The following PMS2 variants were observed in gnomAD, a reference collection of about 807,000 sequenced individuals.
PMS2 encodes the protein mismatch repair endonuclease PMS2.
Under a neutral mutation model 90.0 loss-of-function variants are expected in PMS2, and 69 were observed. The ratio of observed to expected loss-of-function variants is 0.77; its 90% CI spans 0.63 to 0.94. The LOEUF is 0.94. Among genes scored for constraint, PMS2 ranks in the 40% least tolerant of loss-of-function variants. PMS2 has a pLI of 0.00. For missense variants in PMS2, 966 were observed against 1,040.2 expected, an observed-to-expected ratio of 0.93 and a Z score of 0.98; for synonymous variants, 332 against 375.1, an observed-to-expected ratio of 0.89 and a Z score of 1.33.
At chr7:5,994,737 C>T (rs1452938284) in intron 8 of PMS2, among the ~76,000 whole-genome samples, 1 of 151,472 alleles carries the variant, frequency 6.6e-6, no homozygotes, top group African/African-American at 2.4e-5. Context: ...GACCACGCCA[C>T]TGCACTCCAG....
intron 6 of PMS2, among the ~76,000 whole-genome samples, chr7:5,998,285 T>G (rs1287143012): frequency 2.0e-5 from 3 of 150,950 alleles, no homozygotes; most frequent in Non-Finnish European, 3.0e-5. Context: ...TTTCACCATA[T>G]TGATCAGGCT....
intron 14 of PMS2, among the ~76,000 whole-genome samples, chr7:5,977,354 C>A (rs553791220): frequency 4.9e-4 from 72 of 147,554 alleles, no homozygotes; most frequent in African/African-American, 1.6e-3. Context: ...CATGCCCGGC[C>A]AAGAATACTG....
chr7:5,992,206 G>A, intron 8 of PMS2, 149 bp from the exon 9 acceptor site: 2 of 619,526 alleles, frequency 3.2e-6, no homozygotes, highest in Non-Finnish European at 5.8e-6. Context: ...GTCTCGCCTT[G>A]TCACAGCCTG....
At chr7:5,981,219 T>C (rs1349645920) in intron 12 of PMS2, among the ~76,000 whole-genome samples, 1 of 151,242 alleles carries the variant, frequency 6.6e-6, no homozygotes, top group African/African-American at 2.5e-5. Flanking sequence ...TAAAATAATT[T>C]TTAAATTTTA....
chr7:5,993,771 G>A (rs1784044721), intron 8 of PMS2, among the ~76,000 whole-genome samples: 1 of 142,516 alleles, frequency 7.0e-6, no homozygotes, highest in Non-Finnish European at 1.5e-5. Flanking sequence ...TGGGGCAGGA[G>A]AATGGCGTGA....
intron 8 of PMS2, among the ~76,000 whole-genome samples, chr7:5,994,317 G>T (rs981264201): frequency 2.6e-5 from 4 of 151,164 alleles, no homozygotes; most frequent in East Asian, 2.0e-4. Flanking sequence ...GGAGGTGGAG[G>T]TTGCAGTGAG....
At chr7:5,992,193 A>G in intron 8 of PMS2, 136 bp from the exon 9 acceptor site, 1 of 635,790 alleles carries the variant, frequency 1.6e-6, no homozygotes, top group Non-Finnish European at 2.8e-6. Flanking sequence ...TTTTTGAGTC[A>G]AGGTCTCGCC....
At position 5,983,579 on chromosome 7, in the gene PMS2, A is replaced by G. The variant is rs552079096; in HGVS notation, c.2007-588T>C. ...AACAAAAATGGAATCTTAATTCTCC[A>G]TTCTGTCATCACTTAATGCATCTGA... On this transcript the variant is annotated intron_variant, in intron 11 of 14. Transcript: ENST00000265849. Among the ~76,000 whole-genome samples the G allele has an allele frequency of 9.9e-5, 15 of 151,902 alleles. No individual in the cohort carries two copies. In the East Asian group the frequency reaches 2.7e-3, roughly 27 times the overall value.
chr7:6,008,274 G>A (rs1424414303), intron 1 of PMS2, among the ~76,000 whole-genome samples: 2 of 152,150 alleles, frequency 1.3e-5, no homozygotes, highest in Non-Finnish European at 2.9e-5. Flanking sequence ...TTTAAATGCA[G>A]AGAGCAAATT....
chr7:6,002,889 T>C (rs1038561389), intron 4 of PMS2, among the ~76,000 whole-genome samples: 2 of 152,236 alleles, frequency 1.3e-5, no homozygotes, highest in Non-Finnish European at 2.9e-5. Flanking sequence ...CAGGTTGAAC[T>C]GCAAAACCAT....
rs373513306 is a variant in PMS2, at chr7:5,995,236, C to A, written c.903+298G>T. Among the ~76,000 whole-genome samples, 12 of 152,060 alleles carry A rather than the reference C, an allele frequency of 7.9e-5. 1 individual carries two copies. In the East Asian group the frequency reaches 2.3e-3, roughly 29 times the overall value. ...TATTTTAGTAGAGACGGGGTTTTGT[C>A]ATGTTGGCCAGGCTGGTCTCGAACT... is the stretch of plus-strand genomic sequence containing the variant. On this transcript the variant is annotated intron_variant, in intron 8 of 14. Coordinates refer to ENST00000265849, the MANE Select transcript of PMS2 (RefSeq NM_000535.7).
chr7:5,999,551 A>G (rs1418692085), intron 5 of PMS2, among the ~76,000 whole-genome samples: 1 of 152,118 alleles, frequency 6.6e-6, no homozygotes, highest in Non-Finnish European at 1.5e-5. Context: ...GCTACTCAGG[A>G]GGCTGAGGGC....
Position 5,978,652 on chromosome 7 carries a change from A to C in PMS2, c.2219T>G (p.Ile740Arg). 6.2e-7 allele frequency: 1 copy of C among 1,603,954 alleles called. No individual in the cohort carries two copies. The highest frequency in any genetic ancestry group is 8.5e-7 in the Non-Finnish European group (1 of 1,173,312). Residue 740 changes from isoleucine (I) to arginine (R), a missense_variant, in exon 13 of 15, where the codon ATA (isoleucine) becomes AGA (arginine). Physicochemically the swap from Ile to Arg is moderately conservative, Grantham distance 97 (BLOSUM62 -3). Around this residue, in one of 2 missense-constraint regions of PMS2, gnomAD observed 95 missense variants for 237.8 expected, o/e 0.40. Coordinates refer to ENST00000265849, the MANE Select transcript of PMS2 (RefSeq NM_000535.7). ...CTTTCTAAATATTTCCAGATTTTCT[A>C]TCAGAACAGCTTCATTAACAGCAGT... The part of the protein sequence containing the change: ...NLTAVNEAVL[I>R]ENLEIFRKNG...
At chr7:6,003,587 G>A (rs1363287094) in intron 4 of PMS2, 103 bp downstream of exon 4, 1 of 708,580 alleles carries the variant, frequency 1.4e-6, no homozygotes, top group Non-Finnish European at 2.5e-6. Context: ...GAAGCTAGAA[G>A]TTGAGATGTT....
At chr7:5,995,669 G>T in intron 7 of PMS2, 36 bp from the exon 8 acceptor site, 1 of 1,353,138 alleles carries the variant, frequency 7.4e-7, no homozygotes, top group Non-Finnish European at 1.1e-6. Flanking sequence ...CAGGATTCCA[G>T]AGTGAAAGGG....
chr7:5,999,257 G>C lies in PMS2; in HGVS notation c.556C>G (p.Gln186Glu), dbSNP rs1233470165. 1 of 1,613,674 alleles carries C rather than the reference G, an allele frequency of 6.2e-7. No individual in the cohort carries two copies. Among genetic ancestry groups the C allele is most frequent in the African/African-American group, 1.3e-5 (1 of 74,842 alleles). ...NIKKEYAKMVQVLHAYCIISA... is the reference protein window; with the variant it reads ...NIKKEYAKMVEVLHAYCIISA... ...ATGATACAGTATGCATGTAAGACCT[G>C]GACCATTTTGGCATACTCCTGTTTA... The change falls in exon 6 of 15, where the codon CAG becomes GAG. Residue 186 changes from glutamine to glutamate, a missense_variant. By Grantham distance (29) the Gln-to-Glu change is conservative (BLOSUM62 2). Around this residue, in one of 2 missense-constraint regions of PMS2, gnomAD observed 871 missense variants for 802.4 expected, o/e 1.09. Coordinates refer to ENST00000265849, the MANE Select transcript of PMS2 (RefSeq NM_000535.7).
At chr7:5,992,624 GA>G (rs1385737144) in intron 8 of PMS2, among the ~76,000 whole-genome samples, 1 of 152,034 alleles carries the variant, frequency 6.6e-6, no homozygotes, top group Non-Finnish European at 1.5e-5. Context: ...CTGGCCTAAG[GA>G]TACATTTTTT....
In PMS2 at chr7:5,999,243, T is replaced by C. The variant is rs1784821785; in HGVS notation, c.570A>G (p.Ala190=). 6.2e-7 allele frequency: 1 copy of C among 1,614,022 alleles called. No individual in the cohort carries two copies. Among genetic ancestry groups the C allele is most frequent in the Non-Finnish European group, 8.5e-7 (1 of 1,179,948 alleles). ...EYAKMVQVLH[A]YCIISAGIRV... ...GGATGCCTGCTGAAATGATACAGTA[T>C]GCATGTAAGACCTGGACCATTTTGG... is the stretch of plus-strand genomic sequence containing the variant. Residue 190 remains alanine, a synonymous_variant, in exon 6 of 15, where the codon GCA becomes GCG. Transcript: ENST00000265849.
chr7:5,979,220 A>AC lies in PMS2; in HGVS notation c.2175-525_2175-524insG, dbSNP rs1158046135. On this transcript the variant is annotated intron_variant, in intron 12 of 14. Transcript: ENST00000265849. ...CTGTCTCAAAAAAAAAAAAAAAAAA[A>AC]AAACACCCATAAAAACAAAAATTAG... is the stretch of plus-strand genomic sequence containing the variant. Among the ~76,000 whole-genome samples the AC allele has an allele frequency of 3.7e-5, 5 of 136,678 alleles. No homozygotes were observed. The South Asian group carries it at 9.4e-4, about 26-fold the overall frequency. The allele number at this position is 136,678 out of a possible 152,430, so 89.7% of individuals were successfully genotyped here. A position where few individuals can be genotyped will look rare whatever the true frequency, so the allele number is the denominator to read the frequency against.
Sources: gnomAD v4.1 joint callset for allele counts (sites outside exome capture counted in the v4.1 genomes callset) on GRCh38, gnomAD v4.1.1 for gene constraint, gnomAD v4.1.1 regional missense constraint, MANE v1.5 for transcripts, NCBI Gene and HGNC (gene_info 2026-07-23, HGNC 2026-07-21) for gene names.